Variants in TPRG1 observed in about 807,000 individuals in gnomAD.
The protein encoded by TPRG1 is tumor protein p63 regulated 1, also known as tumor protein p63-regulated gene 1 protein.
In TPRG1, 29 loss-of-function variants were observed where a neutral mutation model predicts 29.3. The ratio of observed to expected loss-of-function variants is 0.99; its 90% CI spans 0.74 to 1.35. TPRG1 has a LOEUF of 1.35. TPRG1 is among the 40% of genes most tolerant of loss of function. TPRG1 has a pLI of 0.00. For synonymous variants in TPRG1, 130 were observed against 116.8 expected, an observed-to-expected ratio of 1.11 and a Z score of -0.73; for missense variants, 327 against 335.0, an observed-to-expected ratio of 0.98 and a Z score of 0.19.
chr3:189,254,038 G>A (rs921561088), intron 4 of TPRG1, among the ~76,000 whole-genome samples: 3 of 152,076 alleles, frequency 2.0e-5, no homozygotes, highest in African/African-American at 7.2e-5. Context: ...GATCCCATTT[G>A]TCAATTTTGG....
At chr3:189,251,932 C>G (rs1420105241) in intron 4 of TPRG1, among the ~76,000 whole-genome samples, 1 of 152,274 alleles carries the variant, frequency 6.6e-6, no homozygotes, top group East Asian at 1.9e-4. Context: ...GGGTGTCCGG[C>G]TGGGGGACGG....
intron 4 of TPRG1, among the ~76,000 whole-genome samples, chr3:189,076,711 T>G (rs979584243): frequency 6.6e-6 from 1 of 151,976 alleles, no homozygotes; most frequent in Admixed American, 6.6e-5. Context: ...TAAGATAATG[T>G]AACTAAAAAA....
chr3:189,059,576 A>G (rs1364629490), intron 4 of TPRG1, among the ~76,000 whole-genome samples: 5 of 151,818 alleles, frequency 3.3e-5, no homozygotes, highest in Admixed American at 3.3e-4. Context: ...TGAGCGACAG[A>G]GCAAGACTCC....
intron 1 of TPRG1, among the ~76,000 whole-genome samples, chr3:189,119,652 A>G (rs1189122605): frequency 6.6e-6 from 1 of 152,056 alleles, no homozygotes; most frequent in Non-Finnish European, 1.5e-5. Context: ...TTCTCATGAG[A>G]TCTGATGGTT....
At chr3:188,998,606 T>C (rs183427150) in intron 1 of TPRG1, among the ~76,000 whole-genome samples, 1 of 152,312 alleles carries the variant, frequency 6.6e-6, no homozygotes, top group Non-Finnish European at 1.5e-5. Context: ...GGATAAAAAG[T>C]GTGGTACACA....
intron 4 of TPRG1, among the ~76,000 whole-genome samples, chr3:189,273,595 T>A (rs1166511913): frequency 6.6e-6 from 1 of 152,298 alleles, no homozygotes; most frequent in African/African-American, 2.4e-5. Flanking sequence ...TAGTAGAGAA[T>A]GCAAATAGCA....
intron 4 of TPRG1, among the ~76,000 whole-genome samples, chr3:189,281,472 A>AT (rs1306658870): frequency 6.6e-6 from 1 of 152,142 alleles, no homozygotes; most frequent in Non-Finnish European, 1.5e-5. Flanking sequence ...AGATGAAAAT[A>AT]TTTTTTGTTT....
intron 3 of TPRG1, among the ~76,000 whole-genome samples, chr3:189,140,721 C>A (rs377270828): frequency 9.9e-5 from 15 of 152,278 alleles, no homozygotes; most frequent in African/African-American, 3.6e-4. Context: ...AAGCCTAATT[C>A]GGTGGCAGTC....
In TPRG1 at chr3:189,309,066, CTT is replaced by C. The variant is rs58250420; in HGVS notation, c.480-1305_480-1304del. ...AACTCTGTCTTTTTTTTCCTATATA[CTT>C]TTTTTTTTTTTTTTCATTTTTCTTC... On this transcript the variant is annotated intron_variant, in intron 4 of 5. Transcript: ENST00000345063. Among the ~76,000 whole-genome samples the C allele has an allele frequency of 5.6e-3, 511 of 90,776 alleles. 2 individuals carry two copies. Among genetic ancestry groups the C allele is most frequent in the African/African-American group, 0.02 (456 of 22,820 alleles). The allele number at this position is 90,776 out of a possible 152,430, so 59.6% of individuals were successfully genotyped here. A position where few individuals can be genotyped will look rare whatever the true frequency, so the allele number is the denominator to read the frequency against.
chr3:189,031,481 G>A (rs146714300), intron 4 of TPRG1, among the ~76,000 whole-genome samples: 112 of 152,268 alleles, frequency 7.4e-4, no homozygotes, highest in African/African-American at 2.6e-3. Flanking sequence ...TGGAAGTCAA[G>A]ACAAGCAACA....
intron 3 of TPRG1, among the ~76,000 whole-genome samples, chr3:189,007,261 GAA>G (rs1712341339): frequency 6.6e-6 from 1 of 151,378 alleles, no homozygotes; most frequent in Non-Finnish European, 1.5e-5. Context: ...CTTCTCAAAA[GAA>G]GACATTTATG....
chr3:189,018,623 G>C (rs1200873319), intron 3 of TPRG1, among the ~76,000 whole-genome samples: 1 of 148,336 alleles, frequency 6.7e-6, no homozygotes, highest in African/African-American at 2.5e-5. Context: ...ATGCTGTTTT[G>C]GTTACTGTAG....
intron 4 of TPRG1, among the ~76,000 whole-genome samples, chr3:189,046,213 A>T (rs1352483244): frequency 6.6e-6 from 1 of 152,130 alleles, no homozygotes; most frequent in South Asian, 2.1e-4. Flanking sequence ...GTGTAGGTCA[A>T]TGACAGCAGG....
At chr3:189,045,791 TG>T (rs1258568198) in intron 4 of TPRG1, among the ~76,000 whole-genome samples, 1 of 152,154 alleles carries the variant, frequency 6.6e-6, no homozygotes, top group Non-Finnish European at 1.5e-5. Context: ...AGGCCTGCAG[TG>T]GAGAGGACAA....
At chr3:189,047,610 A>G (rs549876217) in intron 4 of TPRG1, among the ~76,000 whole-genome samples, 13 of 152,308 alleles carry the variant, frequency 8.5e-5, no homozygotes, top group Non-Finnish European at 1.6e-4. Flanking sequence ...ATGCTGTTTG[A>G]CAGCATTTTT....
chr3:189,112,513 A>T (rs1215617762), intron 1 of TPRG1, among the ~76,000 whole-genome samples: 1 of 152,162 alleles, frequency 6.6e-6, no homozygotes, highest in African/African-American at 2.4e-5. Flanking sequence ...TTTTAGGTCT[A>T]ACGTTTAAGT....
chr3:189,180,150 C>G (rs1245574528), intron 1 of TPRG1, among the ~76,000 whole-genome samples: 2 of 152,050 alleles, frequency 1.3e-5, no homozygotes, highest in African/African-American at 2.4e-5. Flanking sequence ...AAGAGTTGCC[C>G]CATGATTCAG....
chr3:189,060,911 C>G (rs1005154832), intron 4 of TPRG1, among the ~76,000 whole-genome samples: 1 of 152,054 alleles, frequency 6.6e-6, no homozygotes, highest in African/African-American at 2.4e-5. Flanking sequence ...CTCAAAGTAC[C>G]CATGACATTC....
chr3:189,065,081 A>G (rs1210611360), intron 4 of TPRG1, among the ~76,000 whole-genome samples: 1 of 152,100 alleles, frequency 6.6e-6, no homozygotes, highest in Non-Finnish European at 1.5e-5. Flanking sequence ...AGAGGTTGAA[A>G]CAAGAGGCTT....
Sources: gnomAD v4.1 joint callset for allele counts (sites outside exome capture counted in the v4.1 genomes callset) on GRCh38, gnomAD v4.1.1 for gene constraint, MANE v1.5 for transcripts, NCBI Gene and HGNC (gene_info 2026-07-23, HGNC 2026-07-21) for gene names.